The following RHBDL3 variants were observed in gnomAD, a reference collection of about 807,000 sequenced individuals.
RHBDL3 encodes the protein rhomboid like 3, also known as rhomboid-related protein 3.
RHBDL3 carries 28 observed loss-of-function variants against 48.2 expected under a neutral mutation model. The observed-to-expected ratio is 0.58, with a 90% CI of 0.43 to 0.80. The LOEUF is 0.80. Among genes scored for constraint, RHBDL3 ranks in the 30% least tolerant of loss-of-function variants. The pLI is 0.00. For missense variants in RHBDL3, 464 were observed against 542.7 expected (o/e 0.85, Z 1.44); for synonymous variants, 208 against 232.3 (o/e 0.90, Z 0.95).
chr17:32,268,927 C>T (rs75823256), intron 2 of RHBDL3, among the ~76,000 whole-genome samples: 2 of 152,068 alleles, frequency 1.3e-5, no homozygotes, highest in East Asian at 3.9e-4. Context: ...TGAACAGAGG[C>T]AAGAAGGTGA....
At chr17:32,285,517 G>A (rs533330041) in intron 3 of RHBDL3, among the ~76,000 whole-genome samples, 1 of 152,078 alleles carries the variant, frequency 6.6e-6, no homozygotes, top group Admixed American at 6.5e-5. Context: ...CCTGCCCAGC[G>A]GTCTGTTATC....
chr17:32,308,549 G>C (rs913042905), intron 7 of RHBDL3, among the ~76,000 whole-genome samples: 1 of 152,198 alleles, frequency 6.6e-6, no homozygotes, highest in East Asian at 1.9e-4. Flanking sequence ...CAGAGAGGCA[G>C]CGGGCAGTGA....
chr17:32,305,591 C>CTT, intron 7 of RHBDL3, 150 bp downstream of exon 7: 1 of 652,066 alleles, frequency 1.5e-6, no homozygotes, highest in Non-Finnish European at 2.8e-6. Flanking sequence ...CTCTGCAGGC[C>CTT]CATTTCAAAT....
At chr17:32,305,151 A>AAGGG (rs929616858) in intron 6 of RHBDL3, among the ~76,000 whole-genome samples, 190 bp from the exon 7 acceptor site, 2 of 133,288 alleles carry the variant, frequency 1.5e-5, no homozygotes, top group African/African-American at 2.7e-5. Flanking sequence ...GAAAGGAAGG[A>AAGGG]AGGGAGGGAG....
chr17:32,279,330 G>A (rs1029011200), intron 2 of RHBDL3, among the ~76,000 whole-genome samples: 8 of 152,122 alleles, frequency 5.3e-5, no homozygotes, highest in Non-Finnish European at 7.4e-5. Context: ...AACTAGCTCC[G>A]AATGGAGCTG....
intron 1 of RHBDL3, 102 bp downstream of exon 1, chr17:32,266,402 A>T (rs1299775630): frequency 1.8e-6 from 1 of 555,680 alleles, no homozygotes; most frequent in Non-Finnish European, 2.8e-6. Flanking sequence ...TTTCAGGGTG[A>T]CGCGGGAGCG....
chr17:32,316,983 T>G (rs1166545278), intron 8 of RHBDL3, among the ~76,000 whole-genome samples: 3 of 151,956 alleles, frequency 2.0e-5, no homozygotes, highest in African/African-American at 7.3e-5. Context: ...GTGATTCTCC[T>G]GTCTCAGCCC....
At position 32,265,899 on chromosome 17, in the gene RHBDL3, G is replaced by A. The variant is rs2039616563; in HGVS notation, c.-291G>A. 6.8e-6 allele frequency among the ~76,000 whole-genome samples: 1 copy of A among 146,914 alleles called. No individual in the cohort carries two copies. ...CGGCGGGGCCGGGGCCGGCCCAAGG[G>A]CGCCCTCGCCTCGGAGCCGGGCGCG... On this transcript the variant is annotated 5_prime_UTR_variant, in exon 1 of 9. Transcript: ENST00000269051.
chr17:32,305,282 C>T, intron 6 of RHBDL3, 59 bp from the exon 7 acceptor site: 1 of 1,139,768 alleles, frequency 8.8e-7, no homozygotes, highest in Non-Finnish European at 1.3e-6. Flanking sequence ...AGGCCTGGGG[C>T]TGGGTTGGGT....
chr17:32,315,165 G>A (rs1364248833), intron 7 of RHBDL3, among the ~76,000 whole-genome samples: 1 of 152,206 alleles, frequency 6.6e-6, no homozygotes, highest in Non-Finnish European at 1.5e-5. Flanking sequence ...GGATGTTCCT[G>A]CAACCTCAAA....
intron 5 of RHBDL3, among the ~76,000 whole-genome samples, chr17:32,296,190 C>T (rs972745303): frequency 3.4e-5 from 5 of 147,712 alleles, no homozygotes; most frequent in South Asian, 2.2e-4. Flanking sequence ...ATCACACCAC[C>T]GCATGGATGG....
rs562181320 is a variant in RHBDL3 at position 32,313,111 on chromosome 17, C to T, written c.883-3121C>T. Among the ~76,000 whole-genome samples the T allele has an allele frequency of 2.6e-5, 4 of 151,834 alleles. No homozygotes were observed. The East Asian group carries it at 7.9e-4, about 30-fold the overall frequency. On this transcript the variant is annotated intron_variant, in intron 7 of 8. Transcript: ENST00000269051. Reference sequence around the variant, plus strand: ...GAGCACCTAGCCTGTAATCCCAGCACTTTGGGAGGCCGAGGCTGGAGGACC... The same window carrying T: ...GAGCACCTAGCCTGTAATCCCAGCATTTTGGGAGGCCGAGGCTGGAGGACC...
Position 32,265,905 on chromosome 17 carries a change from T to G in RHBDL3, c.-285T>G, listed in dbSNP as rs1284658820. 6.9e-6 allele frequency among the ~76,000 whole-genome samples: 1 copy of G among 145,110 alleles called. No individual in the cohort carries two copies. The highest frequency in any genetic ancestry group is 2.5e-5 in the African/African-American group (1 of 40,156). On this transcript the variant is annotated 5_prime_UTR_variant, in exon 1 of 9. Transcript: ENST00000269051. Reference sequence around the variant, plus strand: ...GGCCGGGGCCGGCCCAAGGGCGCCCTCGCCTCGGAGCCGGGCGCGAGGGCC... The same window carrying G: ...GGCCGGGGCCGGCCCAAGGGCGCCCGCGCCTCGGAGCCGGGCGCGAGGGCC...
chr17:32,280,836 C>T (rs2040024157), intron 2 of RHBDL3: 1 of 152,668 alleles, frequency 6.6e-6, no homozygotes, highest in Non-Finnish European at 1.5e-5. Flanking sequence ...CATGCTCTCT[C>T]TGGCTCTCTC....
At chr17:32,292,789 G>A (rs148613964) in intron 4 of RHBDL3, among the ~76,000 whole-genome samples, 2,155 of 128,248 alleles carry the variant, frequency 0.017, 56 homozygotes, top group African/African-American at 0.065. Flanking sequence ...GCGACAGAGC[G>A]AGACTCCACC....
intron 7 of RHBDL3, among the ~76,000 whole-genome samples, chr17:32,313,751 CTTT>C (rs559422433): frequency 6.1e-5 from 6 of 98,638 alleles, no homozygotes; most frequent in Admixed American, 1.4e-4. Flanking sequence ...AATTCCCTCC[CTTT>C]TTTTTTTTTT....
chr17:32,266,225 C>T lies in RHBDL3; in HGVS notation c.36C>T (p.Ala12=). The T allele has an allele frequency of 7.0e-7, 1 of 1,435,988 alleles. No homozygotes were observed. Among genetic ancestry groups the T allele is most frequent in the Non-Finnish European group, 9.1e-7 (1 of 1,101,020 alleles). The allele number at this position is 1,435,988 out of a possible 1,614,324, so 89.0% of individuals were successfully genotyped here. A position where few individuals can be genotyped will look rare whatever the true frequency, so the allele number is the denominator to read the frequency against. The part of the protein sequence containing the change: ...GEHPSPGPAV[A]ACAEAERIEE... ...ACCCCAGCCCGGGCCCCGCGGTGGCCGCCTGCGCCGAGGCGGAGCGCATCG... is the reference window on the plus strand; with the variant it reads ...ACCCCAGCCCGGGCCCCGCGGTGGCTGCCTGCGCCGAGGCGGAGCGCATCG... The change falls in exon 1 of 9, where the codon GCC becomes GCT. Residue 12 remains alanine, a synonymous_variant. Coordinates refer to ENST00000269051, the MANE Select transcript of RHBDL3 (RefSeq NM_138328.3).
chr17:32,289,161 G>C (rs2040268861), intron 4 of RHBDL3, 145 bp downstream of exon 4: 5 of 675,548 alleles, frequency 7.4e-6, no homozygotes, highest in Admixed American at 2.4e-5. Flanking sequence ...TCAAATAATA[G>C]TTGTATTGCA....
chr17:32,294,128 C>CAAAA (rs34051934), intron 4 of RHBDL3, among the ~76,000 whole-genome samples, 166 bp from the exon 5 acceptor site: 60 of 107,702 alleles, frequency 5.6e-4, no homozygotes, highest in Non-Finnish European at 3.2e-4. Context: ...AACTCCATCT[C>CAAAA]AAAAAAAAAA....
Sources: allele counts gnomAD v4.1 joint callset (sites outside exome capture counted in the v4.1 genomes callset), GRCh38; gene constraint gnomAD v4.1.1; transcripts MANE v1.5; gene names NCBI Gene and HGNC (gene_info 2026-07-23, HGNC 2026-07-21).